The following TNFRSF13B variants were observed in gnomAD, a reference collection of about 807,000 sequenced individuals.
TNFRSF13B encodes the protein tumor necrosis factor receptor superfamily member 13B.
Under a neutral mutation model 24.0 loss-of-function variants are expected in TNFRSF13B, and 34 were observed. The ratio of observed to expected loss-of-function variants is 1.41; its 90% CI spans 1.08 to 1.88. TNFRSF13B has a LOEUF of 1.88. Ranked by LOEUF, TNFRSF13B falls within the 40% of genes most tolerant of loss-of-function variation. TNFRSF13B has a pLI of 0.00. For missense variants in TNFRSF13B, 415 were observed against 380.8 expected (o/e 1.09, Z -0.75); for synonymous variants, 173 against 150.3 (o/e 1.15, Z -1.10).
At chr17:16,946,594 T>TA (rs1567651581) in intron 3 of TNFRSF13B, among the ~76,000 whole-genome samples, 1 of 148,856 alleles carries the variant, frequency 6.7e-6, no homozygotes, top group East Asian at 1.9e-4. Context: ...ATTTATTTAT[T>TA]TATTTTTTTT....
At chr17:16,956,583 TA>T (rs1003987328) in intron 1 of TNFRSF13B, among the ~76,000 whole-genome samples, 1 of 137,812 alleles carries the variant, frequency 7.3e-6, no homozygotes, top group African/African-American at 3.4e-5. Flanking sequence ...AAAGAAGTGG[TA>T]AAAAAAGGAA....
intron 1 of TNFRSF13B, among the ~76,000 whole-genome samples, chr17:16,961,364 G>A (rs918710245): frequency 6.6e-6 from 1 of 152,136 alleles, no homozygotes; most frequent in Non-Finnish European, 1.5e-5. Context: ...GCACATGAAT[G>A]GACAAAGAAA....
At chr17:16,960,008 C>T (rs544042284) in intron 1 of TNFRSF13B, among the ~76,000 whole-genome samples, 25 of 152,192 alleles carry the variant, frequency 1.6e-4, no homozygotes, top group Admixed American at 3.3e-4. Context: ...ATAAAGATGT[C>T]ACAAGGAGAG....
rs967534713 is a variant in TNFRSF13B at position 16,962,538 on chromosome 17, G to A, written c.61+9477C>T. Reference sequence around the variant, plus strand: ...CAAAAAAAAAGAAAGAAAAAAAAAAGAAAGGAAAAGAAAGGTAATCATAGG... The same window carrying A: ...CAAAAAAAAAGAAAGAAAAAAAAAAAAAAGGAAAAGAAAGGTAATCATAGG... On this transcript the variant is annotated intron_variant, in intron 1 of 4. Transcript: ENST00000261652. Among the ~76,000 whole-genome samples, 7 of 151,496 alleles carry A rather than the reference G, an allele frequency of 4.6e-5. No homozygotes were observed. In the East Asian group the frequency reaches 1.4e-3, roughly 29 times the overall value.
At chr17:16,939,962 C>G in intron 4 of TNFRSF13B, 165 bp from the exon 5 acceptor site, 2 of 1,122,434 alleles carry the variant, frequency 1.8e-6, no homozygotes, top group Non-Finnish European at 2.4e-6. Context: ...TGACCAGAAC[C>G]TGTGCCGGGG....
intron 1 of TNFRSF13B, among the ~76,000 whole-genome samples, chr17:16,955,306 A>G (rs922243737): frequency 6.6e-6 from 1 of 152,268 alleles, no homozygotes; most frequent in African/African-American, 2.4e-5. Flanking sequence ...CGCGGGAAAC[A>G]GAAGAGCATT....
chr17:16,944,233 A>T (rs756070822), intron 3 of TNFRSF13B, among the ~76,000 whole-genome samples: 1 of 152,196 alleles, frequency 6.6e-6, no homozygotes, highest in Non-Finnish European at 1.5e-5. Flanking sequence ...CCAACGGCAC[A>T]GTTCTCTGCT....
At chr17:16,949,023 A>T (rs1262066480) in intron 2 of TNFRSF13B, 40 bp from the exon 3 acceptor site, 2 of 1,613,428 alleles carry the variant, frequency 1.2e-6, no homozygotes, top group Admixed American at 1.7e-5. Context: ...GGTGACACAG[A>T]CTAGCAGGAA....
At chr17:16,965,070 A>C (rs971119084) in intron 1 of TNFRSF13B, among the ~76,000 whole-genome samples, 1 of 152,096 alleles carries the variant, frequency 6.6e-6, no homozygotes, top group African/African-American at 2.4e-5. Context: ...ATTTTATAAT[A>C]ATTTATAATA....
At position 16,939,539 on chromosome 17, in the gene TNFRSF13B, A is replaced by G; in HGVS notation, c.*8T>C. ...CTCTCCCTCCTCCTTTCCCTCCCTG[A>G]CCCCCATTTATGCACCTGGGCCCCC... On this transcript the variant is annotated 3_prime_UTR_variant, in exon 5 of 5. Coordinates refer to ENST00000261652, the MANE Select transcript of TNFRSF13B (RefSeq NM_012452.3). 1 of 1,592,648 alleles carries G rather than the reference A, an allele frequency of 6.3e-7. No individual in the cohort carries two copies. The highest frequency in any genetic ancestry group is 8.5e-7 in the Non-Finnish European group (1 of 1,170,822).
chr17:16,970,038 C>T (rs920856241), intron 1 of TNFRSF13B, among the ~76,000 whole-genome samples: 1 of 152,172 alleles, frequency 6.6e-6, no homozygotes, highest in Non-Finnish European at 1.5e-5. Flanking sequence ...CACCAAAAGC[C>T]ACTGGACCTG....
chr17:16,955,171 C>T (rs2087616163), intron 1 of TNFRSF13B, among the ~76,000 whole-genome samples: 1 of 152,250 alleles, frequency 6.6e-6, no homozygotes, highest in South Asian at 2.1e-4. Context: ...TTCCAGGCAG[C>T]TGTCAGTGCC....
At chr17:16,946,985 T>G (rs1013705520) in intron 3 of TNFRSF13B, among the ~76,000 whole-genome samples, 1 of 152,164 alleles carries the variant, frequency 6.6e-6, no homozygotes, top group African/African-American at 2.4e-5. Context: ...GGAAGCCTCT[T>G]TTGCCTCTAA....
chr17:16,939,635 G>A lies in TNFRSF13B; in HGVS notation c.794C>T (p.Thr265Ile). ...CAGRWGCHTR[T>I]TVLQPCPHIP... Reference sequence around the variant, plus strand: ...GTGTGGGCAAGGCTGCAGGACTGTGGTCCTGGTGTGGCACCCCCACCTTCC... The same window carrying A: ...GTGTGGGCAAGGCTGCAGGACTGTGATCCTGGTGTGGCACCCCCACCTTCC... Residue 265 changes from threonine (T) to isoleucine (I), a missense_variant, in exon 5 of 5, where the codon ACC becomes ATC. Physicochemically the swap from Thr to Ile is moderately conservative, Grantham distance 89. Coordinates refer to ENST00000261652, the MANE Select transcript of TNFRSF13B (RefSeq NM_012452.3). 6.2e-7 allele frequency: 1 copy of A among 1,613,070 alleles called. No homozygotes were observed. Among genetic ancestry groups the A allele is most frequent in the Non-Finnish European group, 8.5e-7 (1 of 1,179,274 alleles).
At chr17:16,966,620 T>C (rs2087701564) in intron 1 of TNFRSF13B, among the ~76,000 whole-genome samples, 1 of 152,152 alleles carries the variant, frequency 6.6e-6, no homozygotes, top group Non-Finnish European at 1.5e-5. Flanking sequence ...TTATTCATTG[T>C]GGAAGGAGAG....
chr17:16,939,358 TCTCTGCCTCTCTTCCC>T lies in TNFRSF13B; in HGVS notation c.*173_*188del. On this transcript the variant is annotated 3_prime_UTR_variant, in exon 5 of 5. Transcript: ENST00000261652. ...CTCTTTCCTTCTCTGCCTCTTTCCC[TCTCTGCCTCTCTTCCC>T]CTCTGTCTCTCTCTCCCTCTGTCTC... 7.7e-6 allele frequency: 5 copies of T among 650,326 alleles called. No individual in the cohort carries two copies. The highest frequency in any genetic ancestry group is 1.2e-5 in the Non-Finnish European group (5 of 410,530). The allele number at this position is 650,326 out of a possible 1,614,324, so 40.3% of individuals were successfully genotyped here. A position where few individuals can be genotyped will look rare whatever the true frequency, so the allele number is the denominator to read the frequency against.
At chr17:16,953,036 CT>C (rs1480720168) in intron 1 of TNFRSF13B, among the ~76,000 whole-genome samples, 2 of 152,240 alleles carry the variant, frequency 1.3e-5, no homozygotes, top group Non-Finnish European at 2.9e-5. Flanking sequence ...GACTCACCCC[CT>C]AGACTAGGAC....
intron 1 of TNFRSF13B, among the ~76,000 whole-genome samples, chr17:16,960,560 C>G (rs565491026): frequency 6.6e-6 from 1 of 152,154 alleles, no homozygotes; most frequent in African/African-American, 2.4e-5. Flanking sequence ...TGGATATTCA[C>G]ATGCAAGAGA....
intron 2 of TNFRSF13B, 98 bp downstream of exon 2, chr17:16,952,348 C>A (rs944687584): frequency 1.3e-6 from 2 of 1,575,082 alleles, no homozygotes; most frequent in South Asian, 2.3e-5. Flanking sequence ...CTCCTGCCAC[C>A]CTTTCCTCAG....
Sources: allele counts gnomAD v4.1 joint callset (sites outside exome capture counted in the v4.1 genomes callset), GRCh38; gene constraint gnomAD v4.1.1; transcripts MANE v1.5; gene names NCBI Gene and HGNC (gene_info 2026-07-23, HGNC 2026-07-21).